EPB41L2: variants seen among roughly 807,000 people sequenced by gnomAD.
EPB41L2 encodes the protein erythrocyte membrane protein band 4.1 like 2.
Under a neutral mutation model 113.0 loss-of-function variants are expected in EPB41L2, and 43 were observed. That is an observed-to-expected ratio of 0.38 (90% confidence interval 0.30 to 0.49). The LOEUF is 0.49. Ranked by LOEUF, EPB41L2 falls within the 20% of genes least tolerant of loss-of-function variation. The pLI, the probability that EPB41L2 is intolerant of heterozygous loss-of-function variation, is 0.95. For missense variants in EPB41L2, 1,147 were observed against 1,223.4 expected (o/e 0.94, Z 0.93); for synonymous variants, 442 against 436.7 (o/e 1.01, Z -0.15).
At chr6:130,900,780 A>T (rs752812584) in intron 7 of EPB41L2, among the ~76,000 whole-genome samples, 182 bp downstream of exon 7, 3 of 152,226 alleles carry the variant, frequency 2.0e-5, no homozygotes, top group Non-Finnish European at 4.4e-5. Context: ...CTCAGACGGT[A>T]GTTATAAAAA....
chr6:130,847,639 C>T (rs1336284674), intron 19 of EPB41L2, among the ~76,000 whole-genome samples: 1 of 152,172 alleles, frequency 6.6e-6, no homozygotes, highest in Non-Finnish European at 1.5e-5. Flanking sequence ...ACATCAGGTT[C>T]ATTTTTCTGT....
chr6:130,942,390 T>C (rs1811166845), intron 3 of EPB41L2, among the ~76,000 whole-genome samples: 1 of 152,148 alleles, frequency 6.6e-6, no homozygotes, highest in South Asian at 2.1e-4. Context: ...ACTATGTCAG[T>C]AACATCATCT....
rs74698101 is a variant in EPB41L2 at position 130,853,264 on chromosome 6, G to A, written c.*5+4867C>T. Among the ~76,000 whole-genome samples, 110 of 152,280 alleles carry A rather than the reference G, an allele frequency of 7.2e-4. 3 individuals carry two copies. In the East Asian group the frequency reaches 0.017, roughly 23 times the overall value. On this transcript the variant is annotated intron_variant, in intron 19 of 19. Transcript: ENST00000337057. ...GGAGGCTTCATTCACTTTTTTACCT[G>A]ACATCAATTATTACTCTAAGAGTCA... is the stretch of plus-strand genomic sequence containing the variant.
chr6:130,853,820 C>T (rs1779460844), intron 19 of EPB41L2, among the ~76,000 whole-genome samples: 1 of 152,186 alleles, frequency 6.6e-6, no homozygotes, highest in Non-Finnish European at 1.5e-5. Context: ...GACAGTTCCC[C>T]TTCTTTTTTG....
intron 1 of EPB41L2, chr6:131,015,344 A>T (rs1052135982): frequency 3.3e-5 from 5 of 152,216 alleles, no homozygotes; most frequent in Non-Finnish European, 7.4e-5. Flanking sequence ...CTGTAAGACA[A>T]TCACCAAAAA....
At chr6:130,899,154 G>A (rs6907608) in intron 8 of EPB41L2, among the ~76,000 whole-genome samples, 2,008 of 152,074 alleles carry the variant, frequency 0.013, 39 homozygotes, top group South Asian at 0.039. Flanking sequence ...AGAGGGAACT[G>A]GGACAGACAC....
chr6:130,841,255 T>C (rs1419922490), intron 19 of EPB41L2, among the ~76,000 whole-genome samples: 1 of 150,736 alleles, frequency 6.6e-6, no homozygotes, highest in East Asian at 1.9e-4. Context: ...GAAAAAACAT[T>C]TGGACGAAAA....
chr6:130,965,298 G>T (rs1365008997), intron 1 of EPB41L2, among the ~76,000 whole-genome samples: 2 of 152,140 alleles, frequency 1.3e-5, no homozygotes, highest in Non-Finnish European at 2.9e-5. Flanking sequence ...TGGTAATTTA[G>T]ATTTAAAAAT....
chr6:130,869,462 GA>G, intron 15 of EPB41L2, 100 bp downstream of exon 15: 5 of 1,100,058 alleles, frequency 4.5e-6, no homozygotes, highest in Non-Finnish European at 6.5e-6. Flanking sequence ...GATTCTTGTT[GA>G]AAAAAGCTGA....
intron 1 of EPB41L2, among the ~76,000 whole-genome samples, chr6:131,039,127 A>C (rs1793936858): frequency 6.6e-6 from 1 of 152,234 alleles, no homozygotes; most frequent in Non-Finnish European, 1.5e-5. Context: ...AAACCAGAGG[A>C]AATAAAGCTG....
At chr6:130,984,735 T>C (rs1340211503) in intron 1 of EPB41L2, among the ~76,000 whole-genome samples, 1 of 152,208 alleles carries the variant, frequency 6.6e-6, no homozygotes, top group Non-Finnish European at 1.5e-5. Flanking sequence ...GTTTCAAATA[T>C]TCTGTCCCAC....
At chr6:131,061,216 T>G (rs922336738) in intron 1 of EPB41L2, among the ~76,000 whole-genome samples, 3 of 152,282 alleles carry the variant, frequency 2.0e-5, no homozygotes, top group African/African-American at 4.8e-5. Flanking sequence ...CAGCCTCTTG[T>G]TCTCGGCAGT....
chr6:130,950,307 A>G (rs1288814847), intron 3 of EPB41L2, among the ~76,000 whole-genome samples: 1 of 152,194 alleles, frequency 6.6e-6, no homozygotes, highest in Non-Finnish European at 1.5e-5. Flanking sequence ...TTTGGGAAAA[A>G]ATATATAATG....
intron 19 of EPB41L2, among the ~76,000 whole-genome samples, chr6:130,850,750 T>C (rs1272346365): frequency 6.6e-6 from 1 of 152,158 alleles, no homozygotes; most frequent in Non-Finnish European, 1.5e-5. Context: ...AAAATAATAG[T>C]CAGTAATGGT....
intron 1 of EPB41L2, among the ~76,000 whole-genome samples, chr6:130,999,345 G>A (rs1377804369): frequency 6.6e-6 from 1 of 152,110 alleles, no homozygotes; most frequent in Admixed American, 6.5e-5. Context: ...TATATGTTGG[G>A]CAGAAAGAAA....
chr6:130,859,342 G>A (rs1375945632), intron 18 of EPB41L2, among the ~76,000 whole-genome samples: 1 of 152,050 alleles, frequency 6.6e-6, no homozygotes, highest in Non-Finnish European at 1.5e-5. Flanking sequence ...CCAACATGGT[G>A]AAACCCAGTC....
chr6:131,012,902 CTTCT>C (rs1036693079), intron 1 of EPB41L2, among the ~76,000 whole-genome samples: 3 of 152,170 alleles, frequency 2.0e-5, no homozygotes, highest in African/African-American at 7.2e-5. Flanking sequence ...CTACAAGAAT[CTTCT>C]TTAACTGATT....
intron 1 of EPB41L2, among the ~76,000 whole-genome samples, chr6:131,011,507 C>T (rs56137242): frequency 0.026 from 3,979 of 152,250 alleles, 189 homozygotes; most frequent in African/African-American, 0.091. Flanking sequence ...CATTGTATTT[C>T]GGCTTTCTAT....
At chr6:131,024,161 C>CT (rs202010524) in intron 1 of EPB41L2, among the ~76,000 whole-genome samples, 17 of 148,558 alleles carry the variant, frequency 1.1e-4, no homozygotes, top group African/African-American at 1.7e-4. Flanking sequence ...AGAATGAACA[C>CT]TTTTTTTTTT....
Sources: gnomAD v4.1 joint callset for allele counts (sites outside exome capture counted in the v4.1 genomes callset) on GRCh38, gnomAD v4.1.1 for gene constraint, MANE v1.5 for transcripts, NCBI Gene and HGNC (gene_info 2026-07-23, HGNC 2026-07-21) for gene names.